Variants in WFDC1 observed in about 807,000 individuals in gnomAD.
WFDC1 encodes the protein WAP four-disulfide core domain protein 1.
A neutral mutation model predicts 32.9 loss-of-function variants in WFDC1; 39 were observed. The observed-to-expected ratio is 1.19, with a 90% CI of 0.92 to 1.55. The LOEUF is 1.55. WFDC1 is among the 40% of genes most tolerant of loss of function. The pLI is 0.00. For synonymous variants in WFDC1, 184 were observed against 137.4 expected, an observed-to-expected ratio of 1.34 and a Z score of -2.37; for missense variants, 386 against 309.5, an observed-to-expected ratio of 1.25 and a Z score of -1.85.
chr16:84,308,986 TA>T (rs527979500), intron 1 of WFDC1, among the ~76,000 whole-genome samples: 10 of 152,074 alleles, frequency 6.6e-5, no homozygotes, highest in Admixed American at 2.6e-4. Context: ...GGAAGTTCTG[TA>T]GGGAGAAACT....
At chr16:84,308,274 A>G (rs79558087) in intron 1 of WFDC1, among the ~76,000 whole-genome samples, 2,875 of 152,124 alleles carry the variant, frequency 0.019, 82 homozygotes, top group African/African-American at 0.066. Flanking sequence ...ACCAATTCCC[A>G]GGGGCACCCG....
intron 2 of WFDC1, among the ~76,000 whole-genome samples, chr16:84,313,701 G>C (rs907521197): frequency 6.6e-6 from 1 of 152,214 alleles, no homozygotes; most frequent in South Asian, 2.1e-4. Context: ...TATTTGAGGT[G>C]GAGACCAGGA....
chr16:84,306,125 G>T (rs1465697176), intron 1 of WFDC1, among the ~76,000 whole-genome samples: 1 of 152,090 alleles, frequency 6.6e-6, no homozygotes, highest in East Asian at 1.9e-4. Flanking sequence ...GGTCTCTTTT[G>T]ATCTTCACCA....
At chr16:84,327,729 T>C (rs3826144) in intron 6 of WFDC1, 49,926 of 152,054 alleles carry the variant, frequency 0.33, 8,243 homozygotes, top group East Asian at 0.36. Flanking sequence ...ACTTTCCTTT[T>C]CATTCCTTTG....
At chr16:84,306,466 CTG>C (rs1341704997) in intron 1 of WFDC1, among the ~76,000 whole-genome samples, 1 of 152,206 alleles carries the variant, frequency 6.6e-6, no homozygotes, top group African/African-American at 2.4e-5. Flanking sequence ...TCCTCAGAAA[CTG>C]AGGATGGCCG....
chr16:84,329,744 T>G lies in WFDC1; in HGVS notation c.*438T>G, dbSNP rs986682595. The G allele has an allele frequency of 6.6e-6, 1 of 152,228 alleles. No homozygotes were observed. The highest frequency in any genetic ancestry group is 1.5e-5 in the Non-Finnish European group (1 of 68,046). 9.4% of individuals were successfully genotyped at this position (152,228 alleles called of 1,614,324 possible). ...CTTCAGGAAATGGAAATGAACTTGCTTACTAATGTGTGATTCCTAGTTGTA... is the reference window on the plus strand; with the variant it reads ...CTTCAGGAAATGGAAATGAACTTGCGTACTAATGTGTGATTCCTAGTTGTA... On this transcript the variant is annotated 3_prime_UTR_variant, in exon 7 of 7. Transcript: ENST00000219454.
chr16:84,311,753 T>G (rs1347017823), intron 1 of WFDC1, among the ~76,000 whole-genome samples: 1 of 146,784 alleles, frequency 6.8e-6, no homozygotes, highest in African/African-American at 2.5e-5. Context: ...GCCAGCCTGG[T>G]CTCAAAACTT....
chr16:84,318,338 C>A lies in WFDC1; in HGVS notation c.404C>A (p.Pro135His). The A allele has an allele frequency of 1.2e-6, 2 of 1,614,060 alleles. No individual in the cohort carries two copies. The highest frequency in any genetic ancestry group is 8.5e-7 in the Non-Finnish European group (1 of 1,179,972). Reference sequence around the variant, plus strand: ...GGCAATGGCTGGCTCCTGGATGGCCCTGAGGAGGTGTTACAAGGTACCTGC... The same window carrying A: ...GGCAATGGCTGGCTCCTGGATGGCCATGAGGAGGTGTTACAAGGTACCTGC... Reference protein sequence around the residue: ...LGGNGWLLDGPEEVLQAEACS... With the variant: ...LGGNGWLLDGHEEVLQAEACS... Residue 135 changes from proline (P) to histidine (H), a missense_variant, in exon 3 of 7, where the codon CCT (proline) becomes CAT (histidine). Coordinates refer to ENST00000219454, the MANE Select transcript of WFDC1 (RefSeq NM_021197.4).
At chr16:84,297,192 T>A (rs1906647066) in intron 1 of WFDC1, among the ~76,000 whole-genome samples, 4 of 152,148 alleles carry the variant, frequency 2.6e-5, no homozygotes, top group Admixed American at 2.6e-4. Flanking sequence ...CAGGAGCTGA[T>A]TCACTTGTAG....
At position 84,308,969 on chromosome 16, in the gene WFDC1, C is replaced by G. The variant is rs373136472; in HGVS notation, c.145-3992C>G. Among the ~76,000 whole-genome samples, 24 of 152,256 alleles carry G rather than the reference C, an allele frequency of 1.6e-4. 1 individual carries two copies. The highest frequency in any genetic ancestry group is 5.3e-4 in the African/African-American group (22 of 41,554). On this transcript the variant is annotated intron_variant, in intron 1 of 6. Transcript: ENST00000219454. The stretch of plus-strand genomic sequence containing the variant: ...ATCCTGGGTGCAGACTCAGGATACC[C>G]CAGGAGGGAAGTTCTGTAGGGAGAA...
rs200813455 is a variant in WFDC1 at position 84,318,365 on chromosome 16, G to A, written c.421+10G>A. 64 of 1,613,454 alleles carry A rather than the reference G, an allele frequency of 4.0e-5. No individual in the cohort carries two copies. The highest frequency in any genetic ancestry group is 1.7e-4 in the Middle Eastern group (1 of 6,050). ...GAGGAGGTGTTACAAGGTACCTGCC[G>A]GGTAAAGCCCAGACCCTACATCCAA... is the stretch of plus-strand genomic sequence containing the variant. On this transcript the variant is annotated intron_variant, in intron 3 of 6. Coordinates refer to ENST00000219454, the MANE Select transcript of WFDC1 (RefSeq NM_021197.4).
rs866168852 is a variant in WFDC1 at position 84,326,974 on chromosome 16, A to G, written c.*15+19A>G. On this transcript the variant is annotated intron_variant, in intron 6 of 6. Transcript: ENST00000219454. ...CAAGCAGGTGAGTGGGCAGAGAGCA[A>G]GAGTCATGGCCAGGGTAAATGTGGG... 2 of 1,613,320 alleles carry G rather than the reference A, an allele frequency of 1.2e-6. No individual in the cohort carries two copies. Among genetic ancestry groups the G allele is most frequent in the Middle Eastern group, 1.7e-4 (1 of 6,058 alleles).
chr16:84,313,934 T>G (rs1018922813), intron 2 of WFDC1, among the ~76,000 whole-genome samples: 1 of 151,882 alleles, frequency 6.6e-6, no homozygotes, highest in African/African-American at 2.4e-5. Flanking sequence ...CCCAGCTACT[T>G]GGGAGACTGA....
chr16:84,304,142 C>T (rs970761982), intron 1 of WFDC1, among the ~76,000 whole-genome samples: 2 of 152,166 alleles, frequency 1.3e-5, no homozygotes, highest in Non-Finnish European at 2.9e-5. Context: ...AATTGGGGTT[C>T]CCACTGCTGC....
At chr16:84,296,486 A>G (rs549354931) in intron 1 of WFDC1, among the ~76,000 whole-genome samples, 13 of 152,130 alleles carry the variant, frequency 8.5e-5, no homozygotes, top group African/African-American at 2.9e-4. Flanking sequence ...GGTTGGGGAC[A>G]GTGGACCTGT....
chr16:84,315,421 C>G (rs914327246), intron 2 of WFDC1, among the ~76,000 whole-genome samples: 42 of 152,230 alleles, frequency 2.8e-4, no homozygotes, highest in African/African-American at 5.3e-4. Flanking sequence ...CTTTCATTCA[C>G]TGCTGTAACC....
chr16:84,312,129 C>T (rs1907669481), intron 1 of WFDC1, among the ~76,000 whole-genome samples: 1 of 152,186 alleles, frequency 6.6e-6, no homozygotes, highest in Non-Finnish European at 1.5e-5. Context: ...CGCGCCACTG[C>T]ATTCCAGCCT....
At position 84,309,228 on chromosome 16, in the gene WFDC1, G is replaced by A. The variant is rs62050688; in HGVS notation, c.145-3733G>A. Among the ~76,000 whole-genome samples the A allele has an allele frequency of 6.6e-3, 1,000 of 152,182 alleles. 12 individuals are homozygous for A. The highest frequency in any genetic ancestry group is 0.023 in the African/African-American group (936 of 41,530). On this transcript the variant is annotated intron_variant, in intron 1 of 6. Transcript: ENST00000219454. ...ATGTAAGGACAAGGAGGGTCGGGGCGATGAGATGAGGCCAATGTATCCTAT... is the reference window on the plus strand; with the variant it reads ...ATGTAAGGACAAGGAGGGTCGGGGCAATGAGATGAGGCCAATGTATCCTAT...
chr16:84,312,913 G>T, intron 1 of WFDC1, 48 bp from the exon 2 acceptor site: 1 of 1,119,046 alleles, frequency 8.9e-7, no homozygotes, highest in Non-Finnish European at 1.1e-6. Context: ...GTGGCGCCGG[G>T]ACTCGAACGC....
Sources: allele counts gnomAD v4.1 joint callset (sites outside exome capture counted in the v4.1 genomes callset), GRCh38; gene constraint gnomAD v4.1.1; transcripts MANE v1.5; gene names NCBI Gene and HGNC (gene_info 2026-07-23, HGNC 2026-07-21).